The following FKBP5 variants were observed in gnomAD, a reference collection of about 807,000 sequenced individuals.
FKBP5 encodes the protein peptidyl-prolyl cis-trans isomerase FKBP5.
In FKBP5, 23 loss-of-function variants were observed where a neutral mutation model predicts 50.5. The observed-to-expected ratio is 0.46, with a 90% CI of 0.33 to 0.65. The LOEUF is 0.65. FKBP5 is among the 30% of genes least tolerant of loss of function. FKBP5 has a pLI of 0.02. For missense variants in FKBP5, 411 were observed against 553.1 expected, an observed-to-expected ratio of 0.74 and a Z score of 2.58; for synonymous variants, 176 against 190.6, an observed-to-expected ratio of 0.92 and a Z score of 0.63.
intron 1 of FKBP5, among the ~76,000 whole-genome samples, chr6:35,680,118 A>G (rs544574755): frequency 1.4e-5 from 2 of 145,640 alleles, no homozygotes; most frequent in East Asian, 4.0e-4. Flanking sequence ...ATGTAGATGG[A>G]AAAAAAAAAA....
In FKBP5 at chr6:35,653,089, A is replaced by C. The variant is rs575744427; in HGVS notation, c.-19-10246T>G. ...TAAAGGTTGGTTCCAGGCCAGGCAC[A>C]GTGGCTCAAGCCTGCAATCCCCACA... On this transcript the variant is annotated intron_variant, in intron 1 of 10. Coordinates refer to ENST00000357266, the MANE Select transcript of FKBP5 (RefSeq NM_004117.4). Among the ~76,000 whole-genome samples, 6 of 152,340 alleles carry C rather than the reference A, an allele frequency of 3.9e-5. No homozygotes were observed. In the South Asian group the frequency reaches 1.2e-3, roughly 32 times the overall value.
intron 2 of FKBP5, among the ~76,000 whole-genome samples, chr6:35,695,631 T>G (rs1766068823): frequency 6.6e-6 from 1 of 152,164 alleles, no homozygotes. Context: ...TAAAAAACTA[T>G]TAGAACTAAC....
intron 2 of FKBP5, among the ~76,000 whole-genome samples, chr6:35,708,756 T>G (rs924875749): frequency 1.3e-5 from 2 of 151,954 alleles, no homozygotes; most frequent in South Asian, 4.2e-4. Context: ...TTGTTAATGT[T>G]TTTGTTTGTT....
intron 2 of FKBP5, among the ~76,000 whole-genome samples, chr6:35,702,875 TAAAC>T (rs1322692979): frequency 2.6e-5 from 4 of 152,176 alleles, no homozygotes; most frequent in Non-Finnish European, 4.4e-5. Context: ...GACTTTGTGT[TAAAC>T]AAAGATTTAT....
At chr6:35,637,502 C>T (rs1391617311) in intron 2 of FKBP5, among the ~76,000 whole-genome samples, 1 of 133,022 alleles carries the variant, frequency 7.5e-6, no homozygotes, top group Non-Finnish European at 1.5e-5. Flanking sequence ...CTTGCCCTGT[C>T]GCCCAGGCTG....
Position 35,651,977 on chromosome 6 carries a change from G to A in FKBP5, c.-19-9134C>T. ...TCAGGGACCCCAAACGGAGGAACCGGCTGAAGCCATGACAGAAGAACGTGG... is the reference window on the plus strand; with the variant it reads ...TCAGGGACCCCAAACGGAGGAACCGACTGAAGCCATGACAGAAGAACGTGG... On this transcript the variant is annotated intron_variant, in intron 1 of 10. Transcript: ENST00000357266. 1.3e-5 allele frequency: 5 copies of A among 389,396 alleles called. 1 individual carries two copies. The South Asian group carries it at 2.2e-4, about 18-fold the overall frequency. 24.1% of individuals were successfully genotyped at this position (389,396 alleles called of 1,614,324 possible).
chr6:35,694,023 G>T (rs1311282339), intron 2 of FKBP5, among the ~76,000 whole-genome samples: 2 of 151,918 alleles, frequency 1.3e-5, no homozygotes, highest in African/African-American at 4.8e-5. Flanking sequence ...AAAAAAAATA[G>T]TGACAGAGTC....
At chr6:35,608,253 A>G (rs1461997080) in intron 5 of FKBP5, among the ~76,000 whole-genome samples, 1 of 152,200 alleles carries the variant, frequency 6.6e-6, no homozygotes, top group Non-Finnish European at 1.5e-5. Flanking sequence ...TACAAGGGCT[A>G]TATTCTATGT....
chr6:35,580,881 C>T (rs1762407726), intron 8 of FKBP5: 5 of 985,254 alleles, frequency 5.1e-6, no homozygotes, highest in Non-Finnish European at 6.0e-6. Context: ...CAGTTTTAGA[C>T]TATGCCACTA....
intron 5 of FKBP5, among the ~76,000 whole-genome samples, chr6:35,607,339 G>A (rs1189753972): frequency 7.3e-5 from 11 of 150,480 alleles, no homozygotes; most frequent in Admixed American, 2.6e-4. Context: ...CTGAGTAGCC[G>A]GCACTACAGG....
chr6:35,686,003 A>G (rs911060306), intron 1 of FKBP5, among the ~76,000 whole-genome samples: 9 of 151,530 alleles, frequency 5.9e-5, no homozygotes, highest in Admixed American at 4.6e-4. Context: ...AAAAAAAAAA[A>G]AGCAAAACTA....
intron 2 of FKBP5, among the ~76,000 whole-genome samples, chr6:35,698,258 C>T (rs1437797613): frequency 6.6e-6 from 1 of 152,084 alleles, no homozygotes; most frequent in Non-Finnish European, 1.5e-5. Flanking sequence ...AGGAGAATCG[C>T]TTGAACCTGG....
chr6:35,678,725 G>GA (rs1315371748), intron 1 of FKBP5, among the ~76,000 whole-genome samples: 1 of 151,760 alleles, frequency 6.6e-6, no homozygotes, highest in African/African-American at 2.4e-5. Flanking sequence ...AAAAAACTCA[G>GA]AAAAAAAATT....
At chr6:35,664,035 C>CA (rs1330707381) in intron 1 of FKBP5, among the ~76,000 whole-genome samples, 3 of 152,204 alleles carry the variant, frequency 2.0e-5, no homozygotes, top group African/African-American at 7.2e-5. Context: ...AGCCTGCACT[C>CA]TAACTATTTT....
intron 1 of FKBP5, among the ~76,000 whole-genome samples, chr6:35,667,786 C>T (rs1268939739): frequency 6.6e-6 from 1 of 152,012 alleles, no homozygotes; most frequent in East Asian, 1.9e-4. Context: ...GAGGCTGAGG[C>T]AGAAGAATTC....
At chr6:35,620,701 G>C (rs978691033) in intron 3 of FKBP5, among the ~76,000 whole-genome samples, 3 of 152,164 alleles carry the variant, frequency 2.0e-5, no homozygotes, top group African/African-American at 7.2e-5. Flanking sequence ...GCTTCAGTGA[G>C]TCATGATTAT....
intron 1 of FKBP5, among the ~76,000 whole-genome samples, chr6:35,672,470 CTTTT>C (rs548784244): frequency 1.5e-5 from 2 of 136,862 alleles, no homozygotes; most frequent in African/African-American, 2.7e-5. Context: ...CAGAAGCTTG[CTTTT>C]TTTTTTTTTT....
chr6:35,604,359 T>G (rs984620172), intron 5 of FKBP5, among the ~76,000 whole-genome samples: 5 of 152,226 alleles, frequency 3.3e-5, no homozygotes, highest in African/African-American at 1.2e-4. Flanking sequence ...GACTTGAAGA[T>G]AACTTTTTGG....
intron 1 of FKBP5, among the ~76,000 whole-genome samples, chr6:35,649,513 C>G (rs1217984692): frequency 6.6e-6 from 1 of 151,460 alleles, no homozygotes; most frequent in Non-Finnish European, 1.5e-5. Context: ...CTCCCAAGAA[C>G]ACTAAGCAGT....
Sources: gnomAD v4.1 joint callset for allele counts (sites outside exome capture counted in the v4.1 genomes callset) on GRCh38, gnomAD v4.1.1 for gene constraint, MANE v1.5 for transcripts, NCBI Gene and HGNC (gene_info 2026-07-23, HGNC 2026-07-21) for gene names.